The following SHANK2 variants were observed in gnomAD, a reference collection of about 807,000 sequenced individuals.
SHANK2 encodes SH3 and multiple ankyrin repeat domains 2, also known as SH3 and multiple ankyrin repeat domains protein 2.
In SHANK2, 43 loss-of-function variants were observed where a neutral mutation model predicts 133.7. That is an observed-to-expected ratio of 0.32 (90% CI 0.25 to 0.41). The LOEUF is 0.41. Among genes scored for constraint, SHANK2 ranks in the 10% least tolerant of loss-of-function variants. The pLI, the probability that SHANK2 is intolerant of heterozygous loss-of-function variation, is 1.00. For missense variants in SHANK2, 1,994 were observed against 2,235.8 expected, an observed-to-expected ratio of 0.89 and a Z score of 2.18; for synonymous variants, 1,017 against 952.8, an observed-to-expected ratio of 1.07 and a Z score of -1.24.
intron 17 of SHANK2, among the ~76,000 whole-genome samples, chr11:70,562,896 A>G (rs2059924082): frequency 6.6e-6 from 1 of 152,138 alleles, no homozygotes; most frequent in Non-Finnish European, 1.5e-5. Flanking sequence ...GTTTTGAGAC[A>G]GAGTCTCGCT....
intron 15 of SHANK2, among the ~76,000 whole-genome samples, chr11:70,687,347 C>T (rs781940435): frequency 6.6e-5 from 10 of 152,282 alleles, no homozygotes; most frequent in Admixed American, 6.5e-5. Context: ...TGTAAGACCC[C>T]GACTCAGAGC....
intron 21 of SHANK2, among the ~76,000 whole-genome samples, chr11:70,499,522 G>T (rs183697739): frequency 6.6e-6 from 1 of 152,350 alleles, no homozygotes; most frequent in Admixed American, 6.5e-5. Context: ...TGGCAACTGG[G>T]TCCCTGGCAG....
At chr11:71,241,378 G>T (rs905477823) in intron 1 of SHANK2, among the ~76,000 whole-genome samples, 2 of 152,084 alleles carry the variant, frequency 1.3e-5, no homozygotes, top group East Asian at 1.9e-4. Context: ...TCCAGCGAGC[G>T]GGAAGTGCCC....
intron 17 of SHANK2, among the ~76,000 whole-genome samples, chr11:70,580,713 C>T (rs1488435376): frequency 4.6e-5 from 7 of 152,248 alleles, no homozygotes; most frequent in African/African-American, 1.7e-4. Context: ...TTCCCCGCTG[C>T]TGGCTGCCCA....
At position 70,588,992 on chromosome 11, in the gene SHANK2, T is replaced by C. The variant is rs190595366; in HGVS notation, c.2061+70836A>G. On this transcript the variant is annotated intron_variant, in intron 17 of 25. Transcript: ENST00000601538. ...GCCACCACACCCACATAATTTTTTGTATTTTTAGTAGAGACGGGGTTTCAC... is the reference window on the plus strand; with the variant it reads ...GCCACCACACCCACATAATTTTTTGCATTTTTAGTAGAGACGGGGTTTCAC... Among the ~76,000 whole-genome samples, 634 of 152,314 alleles carry C rather than the reference T, an allele frequency of 4.2e-3. 10 individuals are homozygous for C. The highest frequency in any genetic ancestry group is 0.015 in the African/African-American group (614 of 41,566).
intron 17 of SHANK2, among the ~76,000 whole-genome samples, chr11:70,550,763 G>A (rs1476316608): frequency 8.5e-5 from 13 of 152,180 alleles, no homozygotes; most frequent in Admixed American, 8.5e-4. Context: ...CCTGGGCCAC[G>A]GGGCTCTCCC....
rs1948812791 is a variant in SHANK2, at chr11:70,836,206, G to A, written c.1175-15524C>T. Among the ~76,000 whole-genome samples the A allele has an allele frequency of 2.0e-5, 3 of 152,346 alleles. No individual in the cohort carries two copies. In the South Asian group the frequency reaches 6.2e-4, roughly 32 times the overall value. ...TGCTGCCTCCTCTTTCTGAGCGGCT[G>A]CACACTCAGAAGCAGCATGGCCCCT... On this transcript the variant is annotated intron_variant, in intron 11 of 25. Coordinates refer to ENST00000601538, the MANE Select transcript of SHANK2 (RefSeq NM_012309.5).
chr11:71,159,669 T>C (rs1555109571), intron 2 of SHANK2, among the ~76,000 whole-genome samples: 1 of 152,152 alleles, frequency 6.6e-6, no homozygotes, highest in East Asian at 1.9e-4. Context: ...AAGTTAAGAC[T>C]TCCATCAGAC....
chr11:70,804,111 G>C lies in SHANK2; in HGVS notation c.1663+2891C>G, dbSNP rs1180404428. ...ACCCGACTTCCACTGCAAAAAATGA[G>C]TTTGGTTTCTCTGGAAACCCTCCCA... On this transcript the variant is annotated intron_variant, in intron 13 of 25. Transcript: ENST00000601538. The surrounding 1 kb of genome is among the most constrained non-coding windows in gnomAD (Gnocchi z 4.1). Among the ~76,000 whole-genome samples the C allele has an allele frequency of 6.6e-6, 1 of 152,134 alleles. No individual in the cohort carries two copies. Among genetic ancestry groups the C allele is most frequent in the Non-Finnish European group, 1.5e-5 (1 of 68,004 alleles).
chr11:70,712,160 AC>A (rs1225422294), intron 14 of SHANK2, among the ~76,000 whole-genome samples: 3 of 152,052 alleles, frequency 2.0e-5, no homozygotes, highest in Non-Finnish European at 4.4e-5. Flanking sequence ...GATCCTGGCC[AC>A]TGCCTCCACC....
At chr11:71,139,960 G>A (rs1311940175) in intron 3 of SHANK2, among the ~76,000 whole-genome samples, 8 of 152,158 alleles carry the variant, frequency 5.3e-5, no homozygotes, top group African/African-American at 1.9e-4. Flanking sequence ...GGGAGAAAAG[G>A]GGCCGCCCAG....
intron 17 of SHANK2, among the ~76,000 whole-genome samples, chr11:70,599,905 G>GGAA (rs2060461857): frequency 1.4e-5 from 1 of 73,730 alleles, no homozygotes; most frequent in Admixed American, 1.6e-4. Context: ...AAGAAAGAAA[G>GGAA]AGAAAGAAAG....
intron 5 of SHANK2, among the ~76,000 whole-genome samples, 182 bp downstream of exon 5, chr11:71,113,111 G>C (rs1263551339): frequency 6.6e-6 from 1 of 152,158 alleles, no homozygotes; most frequent in African/African-American, 2.4e-5. Flanking sequence ...GCTGCCTCCC[G>C]GGTGGGTCTC....
chr11:71,089,097 G>A (rs1045851072), intron 8 of SHANK2, among the ~76,000 whole-genome samples: 70 of 152,182 alleles, frequency 4.6e-4, no homozygotes, highest in Admixed American at 1.4e-3. Flanking sequence ...GCTCATTAGC[G>A]CTTTGGCAGT....
At chr11:71,090,111 G>GTC (rs1481375183) in intron 8 of SHANK2, among the ~76,000 whole-genome samples, 6 of 148,824 alleles carry the variant, frequency 4.0e-5, no homozygotes, top group African/African-American at 1.5e-4. Context: ...GTGTGTGTGT[G>GTC]TGTATCCTGC....
At chr11:70,929,199 T>C (rs1483449344) in intron 10 of SHANK2, among the ~76,000 whole-genome samples, 3 of 152,176 alleles carry the variant, frequency 2.0e-5, no homozygotes, top group Non-Finnish European at 4.4e-5. Flanking sequence ...TTTGCAGAAA[T>C]ATCTGAGGGG....
intron 23 of SHANK2, 143 bp downstream of exon 23, chr11:70,490,133 C>G: frequency 2.9e-6 from 2 of 699,564 alleles, no homozygotes; most frequent in Non-Finnish European, 2.6e-6. Flanking sequence ...TTCCCACCCT[C>G]TGGTGGGTGG....
chr11:70,799,243 C>T (rs1947990258), intron 13 of SHANK2, among the ~76,000 whole-genome samples: 3 of 152,034 alleles, frequency 2.0e-5, no homozygotes, highest in Admixed American at 6.5e-5. Flanking sequence ...ACTAAAAATA[C>T]AAAAATTAGC....
chr11:71,177,555 T>A (rs1409507304), intron 2 of SHANK2, among the ~76,000 whole-genome samples: 1 of 151,902 alleles, frequency 6.6e-6, no homozygotes, highest in Non-Finnish European at 1.5e-5. Flanking sequence ...CCAATAAAGA[T>A]AAATGGAATC....
Sources: gnomAD v4.1 joint callset for allele counts (sites outside exome capture counted in the v4.1 genomes callset) on GRCh38, gnomAD v4.1.1 for gene constraint, Gnocchi (gnomAD v3.1) non-coding constraint, MANE v1.5 for transcripts, NCBI Gene and HGNC (gene_info 2026-07-23, HGNC 2026-07-21) for gene names.